GRIN2A: variants seen among roughly 807,000 people sequenced by gnomAD.
GRIN2A encodes the protein glutamate receptor ionotropic, NMDA 2A.
A neutral mutation model predicts 113.4 loss-of-function variants in GRIN2A; 22 were observed. That is an observed-to-expected ratio of 0.19 (90% CI 0.14 to 0.28). GRIN2A has a LOEUF of 0.28. Among genes scored for constraint, GRIN2A ranks in the 10% least tolerant of loss-of-function variants. The probability of loss-of-function intolerance (pLI) is 1.00; values close to 1 mark genes in which losing one functional copy is unlikely to be tolerated. For synonymous variants in GRIN2A, 827 were observed against 738.4 expected (o/e 1.12, Z -1.94); for missense variants, 1,502 against 1,887.0 (o/e 0.80, Z 3.78).
intron 10 of GRIN2A, among the ~76,000 whole-genome samples, chr16:9,812,670 TAAAC>T (rs753581988): frequency 2.4e-4 from 37 of 151,482 alleles, no homozygotes; most frequent in African/African-American, 7.5e-4. Context: ...AAAAAAGAAA[TAAAC>T]AATAAAATAA....
intron 2 of GRIN2A, chr16:10,121,342 C>T (rs563915687): frequency 1.8e-4 from 27 of 152,258 alleles, no homozygotes; most frequent in African/African-American, 6.0e-4. Context: ...TTTGGGGACA[C>T]CTTTTTAGAG....
intron 11 of GRIN2A, among the ~76,000 whole-genome samples, chr16:9,775,574 G>C (rs1342590479): frequency 6.6e-6 from 1 of 152,202 alleles, no homozygotes; most frequent in African/African-American, 2.4e-5. Context: ...GAGGCAGGAA[G>C]AAACAAGGAG....
intron 2 of GRIN2A, among the ~76,000 whole-genome samples, chr16:10,098,971 G>T (rs2048346182): frequency 7.5e-6 from 1 of 132,900 alleles, no homozygotes; most frequent in African/African-American, 3.0e-5. Context: ...TTTTAGAAAA[G>T]GAAAAATAAA....
intron 2 of GRIN2A, among the ~76,000 whole-genome samples, chr16:10,109,897 T>G (rs931415514): frequency 1.3e-5 from 2 of 151,728 alleles, no homozygotes; most frequent in Admixed American, 1.3e-4. Flanking sequence ...AATAAAATTT[T>G]TTTTAATTTT....
chr16:9,922,699 T>TTA (rs2044380063), intron 3 of GRIN2A, among the ~76,000 whole-genome samples: 1 of 152,210 alleles, frequency 6.6e-6, no homozygotes, highest in African/African-American at 2.4e-5. Flanking sequence ...CTTGGATTTC[T>TTA]GCCAAGGGAC....
chr16:9,811,241 C>G (rs1332491776), intron 10 of GRIN2A, among the ~76,000 whole-genome samples: 1 of 152,106 alleles, frequency 6.6e-6, no homozygotes, highest in Non-Finnish European at 1.5e-5. Context: ...CTTCTCAGGA[C>G]AAGCAGAGGG....
chr16:9,918,467 G>T (rs934393808), intron 3 of GRIN2A, among the ~76,000 whole-genome samples: 1 of 152,094 alleles, frequency 6.6e-6, no homozygotes, highest in Non-Finnish European at 1.5e-5. Context: ...TATAAATGTG[G>T]TCTCTCTCTT....
chr16:10,179,893 C>CCCCAAAAAAAAAAAACAA, intron 2 of GRIN2A, 105 bp downstream of exon 2: 1 of 719,818 alleles, frequency 1.4e-6, no homozygotes, highest in Non-Finnish European at 2.4e-6. Context: ...CCCCCACCCC[C>CCCCAAAAAAAAAAAACAA]ACTTCACATC....
At chr16:9,871,972 C>T (rs934113511) in intron 4 of GRIN2A, among the ~76,000 whole-genome samples, 2 of 152,020 alleles carry the variant, frequency 1.3e-5, no homozygotes, top group African/African-American at 4.8e-5. Flanking sequence ...TTCAGGTTAG[C>T]GGAAATTAAC....
chr16:10,043,460 G>T (rs979526607), intron 2 of GRIN2A, among the ~76,000 whole-genome samples: 1 of 152,118 alleles, frequency 6.6e-6, no homozygotes, highest in African/African-American at 2.4e-5. Flanking sequence ...TCTTTTTGTG[G>T]AGCTAAACAT....
At chr16:10,109,025 AAAAAAAAAAAC>A (rs1371540210) in intron 2 of GRIN2A, among the ~76,000 whole-genome samples, 6 of 150,218 alleles carry the variant, frequency 4.0e-5, no homozygotes, top group African/African-American at 1.5e-4. Context: ...AAAAAAAAAA[AAAAAAAAAAAC>A]AAAATTGATA....
intron 2 of GRIN2A, among the ~76,000 whole-genome samples, chr16:10,147,366 TG>T (rs1345155501): frequency 6.8e-6 from 1 of 146,020 alleles, no homozygotes; most frequent in Non-Finnish European, 1.5e-5. Context: ...CCCAGCACTT[TG>T]GGAGGCCGAG....
At chr16:9,852,157 A>C (rs1464236772) in intron 4 of GRIN2A, among the ~76,000 whole-genome samples, 6 of 152,234 alleles carry the variant, frequency 3.9e-5, no homozygotes, top group Non-Finnish European at 8.8e-5. Flanking sequence ...TAGTTCAGGA[A>C]ACTGAAACAC....
chr16:10,032,921 G>A (rs975717429), intron 2 of GRIN2A, among the ~76,000 whole-genome samples: 6 of 152,100 alleles, frequency 3.9e-5, no homozygotes, highest in Non-Finnish European at 7.4e-5. Context: ...AGAGTTTCTT[G>A]TGTCCATATA....
intron 2 of GRIN2A, among the ~76,000 whole-genome samples, chr16:10,134,447 GCGGGGAATATCACACAC>G (rs1423244108): frequency 6.7e-6 from 1 of 150,062 alleles, no homozygotes; most frequent in Non-Finnish European, 1.5e-5. Flanking sequence ...TGGACAGAAG[GCGGGGAATATCACACAC>G]CGGGGCCTGT....
intron 5 of GRIN2A, among the ~76,000 whole-genome samples, chr16:9,846,003 T>C (rs1259775512): frequency 1.3e-5 from 2 of 152,244 alleles, no homozygotes; most frequent in Non-Finnish European, 2.9e-5. Flanking sequence ...GCACATTCAT[T>C]CATTCTGTAT....
At chr16:10,133,710 T>C (rs1172656415) in intron 2 of GRIN2A, among the ~76,000 whole-genome samples, 1 of 152,226 alleles carries the variant, frequency 6.6e-6, no homozygotes, top group African/African-American at 2.4e-5. Context: ...AATCTGAGCA[T>C]GATCCCTCCT....
At chr16:9,998,036 A>G (rs1217575862) in intron 2 of GRIN2A, among the ~76,000 whole-genome samples, 1 of 152,214 alleles carries the variant, frequency 6.6e-6, no homozygotes, top group Non-Finnish European at 1.5e-5. Flanking sequence ...TAGAATTATA[A>G]CACCTCATTC....
chr16:10,173,833 TA>T (rs1045774375), intron 2 of GRIN2A, among the ~76,000 whole-genome samples: 1 of 152,092 alleles, frequency 6.6e-6, no homozygotes, highest in East Asian at 1.9e-4. Context: ...TAATCAAGTT[TA>T]AAAAAATATA....
Sources: allele counts gnomAD v4.1 joint callset (sites outside exome capture counted in the v4.1 genomes callset), GRCh38; gene constraint gnomAD v4.1.1; transcripts MANE v1.5; gene names NCBI Gene and HGNC (gene_info 2026-07-23, HGNC 2026-07-21).